Variants in SYNPR observed in about 807,000 individuals in gnomAD.
The protein encoded by SYNPR is synaptoporin.
A neutral mutation model predicts 32.9 loss-of-function variants in SYNPR; 23 were observed. The observed-to-expected ratio is 0.70, with a 90% CI of 0.50 to 0.99. The LOEUF is 0.99. Ranked by LOEUF, SYNPR falls within the 50% of genes least tolerant of loss-of-function variation. SYNPR has a pLI of 0.00. For synonymous variants in SYNPR, 146 were observed against 135.9 expected (o/e 1.07, Z -0.52); for missense variants, 318 against 349.3 (o/e 0.91, Z 0.71).
At chr3:63,289,141 G>A (rs2086714777) in intron 2 of SYNPR, among the ~76,000 whole-genome samples, 1 of 152,226 alleles carries the variant, frequency 6.6e-6, no homozygotes, top group African/African-American at 2.4e-5. Flanking sequence ...AGAGGTTGTT[G>A]AAGTTGATGA....
chr3:63,481,102 T>C, intron 3 of SYNPR, 146 bp downstream of exon 3: 1 of 1,075,152 alleles, frequency 9.3e-7, no homozygotes, highest in Middle Eastern at 3.2e-4. Context: ...CCAAACACAG[T>C]GCCCACTCAC....
intron 4 of SYNPR, among the ~76,000 whole-genome samples, chr3:63,557,187 T>C (rs1296774903): frequency 6.6e-6 from 1 of 152,190 alleles, no homozygotes; most frequent in Non-Finnish European, 1.5e-5. Context: ...CCTCGTACAA[T>C]GGTCCAAGGA....
At chr3:63,583,097 T>C (rs1703121589) in intron 4 of SYNPR, among the ~76,000 whole-genome samples, 1 of 152,088 alleles carries the variant, frequency 6.6e-6, no homozygotes, top group Non-Finnish European at 1.5e-5. Context: ...TATCTATTGT[T>C]AGCAGAGAAG....
intron 2 of SYNPR, among the ~76,000 whole-genome samples, chr3:63,433,140 G>C (rs893451905): frequency 6.6e-6 from 1 of 152,182 alleles, no homozygotes; most frequent in African/African-American, 2.4e-5. Flanking sequence ...TCTGAATAGG[G>C]TCTAAGGCTG....
chr3:63,311,103 TTTG>T (rs906425860), intron 2 of SYNPR, among the ~76,000 whole-genome samples: 2 of 152,024 alleles, frequency 1.3e-5, no homozygotes, highest in African/African-American at 4.8e-5. Context: ...GTGGCTTTTT[TTTG>T]TTGTTGTTGT....
intron 2 of SYNPR, among the ~76,000 whole-genome samples, chr3:63,465,260 T>C (rs1183600950): frequency 6.6e-6 from 1 of 152,068 alleles, no homozygotes; most frequent in Non-Finnish European, 1.5e-5. Context: ...AAATGGGTCC[T>C]TAGCACAATC....
chr3:63,335,731 C>T (rs2087283450), intron 2 of SYNPR, among the ~76,000 whole-genome samples: 1 of 148,092 alleles, frequency 6.8e-6, no homozygotes, highest in Non-Finnish European at 1.5e-5. Context: ...CTTTAAAGGC[C>T]ACTTTTCTAA....
At chr3:63,532,661 A>G (rs1170120252) in intron 3 of SYNPR, among the ~76,000 whole-genome samples, 2 of 152,334 alleles carry the variant, frequency 1.3e-5, no homozygotes, top group East Asian at 3.9e-4. Flanking sequence ...AAAGACTGCT[A>G]AGAAACACAC....
intron 4 of SYNPR, among the ~76,000 whole-genome samples, chr3:63,596,218 G>C (rs186650305): frequency 6.7e-6 from 1 of 148,738 alleles, no homozygotes; most frequent in South Asian, 2.1e-4. Context: ...TCCCTTCTTC[G>C]TGCTCCCCTC....
chr3:63,256,182 A>G lies in SYNPR; in HGVS notation n.154+3596A>G, dbSNP rs936440892. Reference sequence around the variant, plus strand: ...AACAAAAGGCAGCAGAAACCTCTGTAGACTTAAATGTCCCTGTCTGACAGC... The same window carrying G: ...AACAAAAGGCAGCAGAAACCTCTGTGGACTTAAATGTCCCTGTCTGACAGC... On this transcript the variant is annotated intron_variant and non_coding_transcript_variant, in intron 2 of 4. Coordinates refer to the SYNPR transcript ENST00000478456. 3.9e-5 allele frequency among the ~76,000 whole-genome samples: 6 copies of G among 152,242 alleles called. No homozygotes were observed. In the East Asian group the frequency reaches 1.2e-3, roughly 29 times the overall value.
intron 2 of SYNPR, chr3:63,289,602 A>G (rs1426818855): frequency 1.3e-5 from 2 of 152,034 alleles, no homozygotes; most frequent in East Asian, 1.9e-4. Context: ...GCACTAATCT[A>G]TTCTAGAGGG....
At chr3:63,428,546 AGTAGGCG>A (rs1405524509) in intron 2 of SYNPR, among the ~76,000 whole-genome samples, 2 of 152,244 alleles carry the variant, frequency 1.3e-5, no homozygotes, top group Non-Finnish European at 2.9e-5. Flanking sequence ...TGCTTAAAAC[AGTAGGCG>A]TTTATTATTG....
chr3:63,615,018 C>A (rs1700257034), intron 5 of SYNPR, among the ~76,000 whole-genome samples: 1 of 152,104 alleles, frequency 6.6e-6, no homozygotes, highest in Non-Finnish European at 1.5e-5. Context: ...ACACATAAAG[C>A]CCTTTATGTA....
At chr3:63,595,832 GT>G (rs1491487714) in intron 4 of SYNPR, among the ~76,000 whole-genome samples, 1 of 46,236 alleles carries the variant, frequency 2.2e-5, no homozygotes, top group East Asian at 6.0e-4. Context: ...TATATATATA[GT>G]TATATATATA....
At chr3:63,338,453 G>A (rs968879988) in intron 2 of SYNPR, among the ~76,000 whole-genome samples, 4 of 152,250 alleles carry the variant, frequency 2.6e-5, no homozygotes, top group African/African-American at 9.6e-5. Context: ...AATCAACTTG[G>A]TAGCAATAGA....
At position 63,492,039 on chromosome 3, in the gene SYNPR, G is replaced by A. The variant is rs961307235; in HGVS notation, c.209+11083G>A. ...AGAAGCTGAGAATATGGTGAGAGGAGGCGTCTAGTGAGTTCAGGAACCAAG... is the reference window on the plus strand; with the variant it reads ...AGAAGCTGAGAATATGGTGAGAGGAAGCGTCTAGTGAGTTCAGGAACCAAG... On this transcript the variant is annotated intron_variant, in intron 3 of 5. Transcript: ENST00000478300. Among the ~76,000 whole-genome samples, 10 of 152,198 alleles carry A rather than the reference G, an allele frequency of 6.6e-5. No homozygotes were observed. The East Asian group carries it at 1.2e-3, about 18-fold the overall frequency.
the SYNPR span, among the ~76,000 whole-genome samples, chr3:63,205,723 G>C: frequency 6.6e-6 from 1 of 152,186 alleles, no homozygotes; most frequent in African/African-American, 2.4e-5. Flanking sequence ...TGTGAAACTG[G>C]CTTCATATTT....
chr3:63,246,224 T>C (rs1339661042), intron 1 of SYNPR, among the ~76,000 whole-genome samples: 2 of 152,106 alleles, frequency 1.3e-5, no homozygotes, highest in Non-Finnish European at 2.9e-5. Flanking sequence ...AAATATTCTT[T>C]TGTTAAATTA....
At chr3:63,538,652 C>T (rs1702250785) in intron 3 of SYNPR, among the ~76,000 whole-genome samples, 1 of 151,960 alleles carries the variant, frequency 6.6e-6, no homozygotes, top group African/African-American at 2.4e-5. Flanking sequence ...CCATCCTGTG[C>T]CCCCACCATC....
Sources: gnomAD v4.1 joint callset for allele counts (sites outside exome capture counted in the v4.1 genomes callset) on GRCh38, gnomAD v4.1.1 for gene constraint, MANE v1.5 for transcripts, NCBI Gene and HGNC (gene_info 2026-07-23, HGNC 2026-07-21) for gene names.